Variants in ZNF518B observed in about 807,000 individuals in gnomAD.
The protein encoded by ZNF518B is zinc finger protein 518B.
Under a neutral mutation model 56.3 loss-of-function variants are expected in ZNF518B, and 23 were observed. That is an observed-to-expected ratio of 0.41 (90% CI 0.29 to 0.58). The LOEUF (loss-of-function observed/expected upper bound fraction) is 0.58, where lower values mean the gene tolerates loss of function less well. Ranked by LOEUF, ZNF518B falls within the 20% of genes least tolerant of loss-of-function variation. ZNF518B has a pLI of 0.32. For synonymous variants in ZNF518B, 529 were observed against 465.9 expected (o/e 1.14, Z -1.74); for missense variants, 1,460 against 1,272.1 (o/e 1.15, Z -2.25).
intron 2 of ZNF518B, chr4:10,453,479 T>TA (rs1293205150): frequency 4.6e-5 from 7 of 152,146 alleles, no homozygotes; most frequent in African/African-American, 1.7e-4. Flanking sequence ...AAGGAAGTGA[T>TA]ATTATAGGCT....
Position 10,457,313 on chromosome 4 carries a change from T to G in ZNF518B, c.-396+4A>C, listed in dbSNP as rs1715584211. On this transcript the variant is annotated splice_donor_region_variant and intron_variant, in intron 1 of 2. Transcript: ENST00000326756. ...GGCCCTCGCCCTCCCGCTCAGCTAC[T>G]TACCCGGCAGGCCGGATTCGGGTGC... 6.6e-6 allele frequency: 1 copy of G among 151,774 alleles called. No homozygotes were observed. The highest frequency in any genetic ancestry group is 2.1e-4 in the South Asian group (1 of 4,834). The allele number at this position is 151,774 out of a possible 1,614,324, so 9.4% of individuals were successfully genotyped here.
At chr4:10,460,200 G>T (rs1195814574), upstream of ZNF518B, among the ~76,000 whole-genome samples, 1 of 150,280 alleles carries the variant, frequency 6.7e-6, no homozygotes, top group Non-Finnish European at 1.5e-5. Flanking sequence ...AGCTACTCAG[G>T]AGGCTGAGGC....
rs1259276998 is a variant in ZNF518B, at chr4:10,440,912, T to C, written c.*2192A>G. On this transcript the variant is annotated 3_prime_UTR_variant, in exon 3 of 3. Coordinates refer to ENST00000326756, the MANE Select transcript of ZNF518B (RefSeq NM_053042.3). ...CTTTTCTTCACTCCTCTCCTCTCTA[T>C]ATCTTGGGAGCTATTTTTCATGCCA... is the stretch of plus-strand genomic sequence containing the variant. 6.6e-6 allele frequency: 1 copy of C among 152,596 alleles called. No individual in the cohort carries two copies. The highest frequency in any genetic ancestry group is 1.9e-4 in the East Asian group (1 of 5,196). 9.5% of individuals were successfully genotyped at this position (152,596 alleles called of 1,614,324 possible). A position where few individuals can be genotyped will look rare whatever the true frequency, so the allele number is the denominator to read the frequency against.
In ZNF518B at chr4:10,446,076, C is replaced by T. The variant is rs146717753; in HGVS notation, c.253G>A (p.Val85Ile). ...GCACCGAGGCTGCACTGGAAGCAGA[C>T]ATACATACCGTCCTTCCCTGTACCC... ...QKGTGKDGMY[V>I]CFQCSLGAAP... Residue 85 changes from valine to isoleucine, a missense_variant, in exon 3 of 3, where the codon GTC (valine) becomes ATC (isoleucine). By Grantham distance (29) the Val-to-Ile change is conservative (BLOSUM62 3). Coordinates refer to ENST00000326756, the MANE Select transcript of ZNF518B (RefSeq NM_053042.3). 1 of 1,614,188 alleles carries T rather than the reference C, an allele frequency of 6.2e-7. No homozygotes were observed. Among genetic ancestry groups the T allele is most frequent in the African/African-American group, 1.3e-5 (1 of 75,056 alleles).
chr4:10,443,937 C>G lies in ZNF518B; in HGVS notation c.2392G>C (p.Val798Leu), dbSNP rs776339571. ...TGTCTTTCACTGCAAGGTATGCTGACAGGTGCTTCACATGTAGCCTCTATG... is the reference window on the plus strand; with the variant it reads ...TGTCTTTCACTGCAAGGTATGCTGAGAGGTGCTTCACATGTAGCCTCTATG... ...HIIEATCEAP[V>L]SIPCSERQLI... The change falls in exon 3 of 3, where the codon GTC (valine) becomes CTC (leucine). Residue 798 changes from valine to leucine, a missense_variant. Val to Leu is a conservative substitution (Grantham distance 32). Coordinates refer to ENST00000326756, the MANE Select transcript of ZNF518B (RefSeq NM_053042.3). 6.2e-7 allele frequency: 1 copy of G among 1,614,216 alleles called. No homozygotes were observed. Among genetic ancestry groups the G allele is most frequent in the South Asian group, 1.1e-5 (1 of 91,086 alleles).
Position 10,441,514 on chromosome 4 carries a change from C to A in ZNF518B, c.*1590G>T, listed in dbSNP as rs544112876. On this transcript the variant is annotated 3_prime_UTR_variant, in exon 3 of 3. Coordinates refer to ENST00000326756, the MANE Select transcript of ZNF518B (RefSeq NM_053042.3). ...TCACTGGTGTCTTTTTCAGGTGCAA[C>A]AACTCTTTAGTTTCATTCACTGCAC... The A allele has an allele frequency of 3.3e-5, 5 of 151,858 alleles. No homozygotes were observed. The highest frequency in any genetic ancestry group is 1.2e-4 in the African/African-American group (5 of 41,258). 9.4% of individuals were successfully genotyped at this position (151,858 alleles called of 1,614,324 possible). A position where few individuals can be genotyped will look rare whatever the true frequency, so the allele number is the denominator to read the frequency against.
Position 10,445,811 on chromosome 4 carries a change from G to A in ZNF518B, c.518C>T (p.Thr173Met), listed in dbSNP as rs780406449. Residue 173 changes from threonine to methionine, a missense_variant, in exon 3 of 3, where the codon ACG becomes ATG. By Grantham distance (81) the Thr-to-Met change is moderately conservative (BLOSUM62 -1). Transcript: ENST00000326756. ...CAAATGCCTCTGAAACTCTCCTTTC[G>A]TATACGAAATGTAGCTGCAGTGAGA... ...ICSHCSYISY[T>M]KGEFQRHLVK... 1.4e-5 allele frequency: 23 copies of A among 1,614,022 alleles called. No individual in the cohort carries two copies. Among genetic ancestry groups the A allele is most frequent in the African/African-American group, 2.7e-5 (2 of 74,902 alleles).
At position 10,441,625 on chromosome 4, in the gene ZNF518B, T is replaced by C. The variant is rs768957271; in HGVS notation, c.*1479A>G. On this transcript the variant is annotated 3_prime_UTR_variant, in exon 3 of 3. Transcript: ENST00000326756. ...CCTCGGGGTTGTGCCATCTGTGCTC[T>C]ACCTGGAAGGTCAGCGCCCAGCTGC... The C allele has an allele frequency of 4.0e-4, 61 of 152,734 alleles. No homozygotes were observed. The highest frequency in any genetic ancestry group is 1.8e-4 in the Non-Finnish European group (12 of 68,066). The allele number at this position is 152,734 out of a possible 1,614,324, so 9.5% of individuals were successfully genotyped here. A position where few individuals can be genotyped will look rare whatever the true frequency, so the allele number is the denominator to read the frequency against.
In ZNF518B at chr4:10,445,380, A is replaced by T; in HGVS notation, c.949T>A (p.Ser317Thr). 6.2e-7 allele frequency: 1 copy of T among 1,614,230 alleles called. No homozygotes were observed. The highest frequency in any genetic ancestry group is 1.6e-4 in the Middle Eastern group (1 of 6,062). ...ENKNVEVEVL[S>T]PAKEPVQPGM... Reference sequence around the variant, plus strand: ...GGCTGAACAGGTTCTTTTGCAGGGGATAACACTTCTACTTCAACATTTTTG... The same window carrying T: ...GGCTGAACAGGTTCTTTTGCAGGGGTTAACACTTCTACTTCAACATTTTTG... Residue 317 changes from serine (S) to threonine (T), a missense_variant, in exon 3 of 3, where the codon TCC (serine) becomes ACC (threonine). Ser to Thr is a moderately conservative substitution (Grantham distance 58). Coordinates refer to ENST00000326756, the MANE Select transcript of ZNF518B (RefSeq NM_053042.3).
In ZNF518B at chr4:10,443,275, T is replaced by C; in HGVS notation, c.3054A>G (p.Lys1018=). The C allele has an allele frequency of 6.2e-7, 1 of 1,614,218 alleles. No individual in the cohort carries two copies. The highest frequency in any genetic ancestry group is 8.5e-7 in the Non-Finnish European group (1 of 1,180,040). Residue 1018 remains lysine (K), a synonymous_variant, in exon 3 of 3, where the codon AAA becomes AAG. Coordinates refer to ENST00000326756, the MANE Select transcript of ZNF518B (RefSeq NM_053042.3). ...AGGAATCCACTACCTGGTAGTTGTT[T>C]TTATGAACTTTTTTGAGTTTCATTT... ...MLKMKLKKVH[K]NNYQVVDSLP...
rs1365792015 is a variant in ZNF518B, at chr4:10,440,687, T to C, written c.*2417A>G. 6.6e-6 allele frequency: 1 copy of C among 152,098 alleles called. No homozygotes were observed. Among genetic ancestry groups the C allele is most frequent in the Admixed American group, 6.5e-5 (1 of 15,278 alleles). The allele number at this position is 152,098 out of a possible 1,614,324, so 9.4% of individuals were successfully genotyped here. A position where few individuals can be genotyped will look rare whatever the true frequency, so the allele number is the denominator to read the frequency against. On this transcript the variant is annotated 3_prime_UTR_variant, in exon 3 of 3. Transcript: ENST00000326756. ...ACATATTCTACTCACACAATTAAGCTCCATCAAAGTATGCAAGTTGTGTTT... is the reference window on the plus strand; with the variant it reads ...ACATATTCTACTCACACAATTAAGCCCCATCAAAGTATGCAAGTTGTGTTT...
intron 1 of ZNF518B, among the ~76,000 whole-genome samples, chr4:10,456,603 G>C (rs182753653): frequency 3.9e-5 from 6 of 152,276 alleles, no homozygotes; most frequent in East Asian, 3.9e-4. Flanking sequence ...GTTTATTGTC[G>C]GCACGCTCCC....
Position 10,445,128 on chromosome 4 carries a change from C to T in ZNF518B, c.1201G>A (p.Glu401Lys). ...SNEQEKVLSA[E>K]KTKSLTVDGN... The stretch of plus-strand genomic sequence containing the variant: ...TCAACTGTCAGTGACTTTGTTTTTT[C>T]TGCAGAAAGTACTTTTTCTTGTTCA... Residue 401 changes from glutamate (E) to lysine (K), a missense_variant, in exon 3 of 3, where the codon GAA (glutamate) becomes AAA (lysine). Transcript: ENST00000326756. The T allele has an allele frequency of 6.2e-7, 1 of 1,614,096 alleles. No homozygotes were observed. The highest frequency in any genetic ancestry group is 8.5e-7 in the Non-Finnish European group (1 of 1,179,986).
intron 1 of ZNF518B, 83 bp downstream of exon 1, chr4:10,457,234 G>C (rs1290336018): frequency 6.6e-6 from 1 of 150,722 alleles, no homozygotes; most frequent in Non-Finnish European, 1.5e-5. Context: ...CGCCCCGCGC[G>C]CCCCCACGAC....
upstream of ZNF518B, among the ~76,000 whole-genome samples, chr4:10,458,193 A>C (rs555723568): frequency 6.0e-4 from 92 of 152,342 alleles, no homozygotes; most frequent in African/African-American, 1.7e-3. Context: ...GGAAAGAAGA[A>C]GACCATATTG....
At position 10,446,199 on chromosome 4, in the gene ZNF518B, A is replaced by G. The variant is rs1163329534; in HGVS notation, c.130T>C (p.Leu44=). 4 of 1,614,212 alleles carry G rather than the reference A, an allele frequency of 2.5e-6. No homozygotes were observed. Among genetic ancestry groups the G allele is most frequent in the African/African-American group, 2.7e-5 (2 of 75,062 alleles). The change falls in exon 3 of 3, where the codon TTG becomes CTG. Residue 44 remains leucine (L), a synonymous_variant. Transcript: ENST00000326756. ...RPNRQEAQTL[L]YQGSEAEAAM... ...GCCTCTGCCTCTGAGCCTTGATACA[A>G]AAGGGTTTGTGCTTCTTGTCTATTT...
At chr4:10,457,556 A>C (rs564317702), upstream of ZNF518B, 21 of 152,436 alleles carry the variant, frequency 1.4e-4, no homozygotes, top group African/African-American at 2.9e-4. Context: ...CCTCAGACCC[A>C]GCCGAGCCCC....
At chr4:10,447,692 C>T (rs1031776149) in intron 2 of ZNF518B, among the ~76,000 whole-genome samples, 2 of 149,312 alleles carry the variant, frequency 1.3e-5, no homozygotes, top group African/African-American at 4.9e-5. Context: ...TCTTGTTGCC[C>T]AGGCTGGAGT....
In ZNF518B at chr4:10,442,201, T is replaced by C. The variant is rs541407395; in HGVS notation, c.*903A>G. The C allele has an allele frequency of 3.9e-5, 6 of 152,342 alleles. No individual in the cohort carries two copies. The highest frequency in any genetic ancestry group is 1.2e-4 in the African/African-American group (5 of 41,576). 9.4% of individuals were successfully genotyped at this position (152,342 alleles called of 1,614,324 possible). On this transcript the variant is annotated 3_prime_UTR_variant, in exon 3 of 3. Coordinates refer to ENST00000326756, the MANE Select transcript of ZNF518B (RefSeq NM_053042.3). ...AAACTAAAGGGCATATGAAACCCTT[T>C]TCACAACTTTATGAGCCTACCTTGA...
Sources: allele counts gnomAD v4.1 joint callset (sites outside exome capture counted in the v4.1 genomes callset), GRCh38; gene constraint gnomAD v4.1.1; transcripts MANE v1.5; gene names NCBI Gene and HGNC (gene_info 2026-07-23, HGNC 2026-07-21).